Variants in KLRD1 observed in about 807,000 individuals in gnomAD.
KLRD1 encodes the protein natural killer cells antigen CD94.
In KLRD1, 21 loss-of-function variants were observed where a neutral mutation model predicts 22.6. The ratio of observed to expected loss-of-function variants is 0.93; its 90% CI spans 0.66 to 1.34. KLRD1 has a LOEUF of 1.34. Among genes scored for constraint, KLRD1 ranks in the 40% most tolerant of loss-of-function variants. The pLI is 0.00. For missense variants in KLRD1, 183 were observed against 208.6 expected (o/e 0.88, Z 0.76); for synonymous variants, 59 against 71.1 (o/e 0.83, Z 0.85).
At chr12:10,312,693 C>A (rs1205889414) in intron 4 of KLRD1, among the ~76,000 whole-genome samples, 1 of 150,044 alleles carries the variant, frequency 6.7e-6, no homozygotes, top group Non-Finnish European at 1.5e-5. Context: ...TTACCCAGTT[C>A]TTAAGAAAAA....
intron 1 of KLRD1, among the ~76,000 whole-genome samples, chr12:10,275,657 A>G (rs1207965024): frequency 6.6e-6 from 1 of 152,198 alleles, no homozygotes; most frequent in Non-Finnish European, 1.5e-5. Flanking sequence ...TCACAGTTAC[A>G]ATGGAATGTT....
chr12:10,271,621 A>G (rs1348862581), intron 1 of KLRD1, among the ~76,000 whole-genome samples: 1 of 152,214 alleles, frequency 6.6e-6, no homozygotes, highest in Non-Finnish European at 1.5e-5. Context: ...TTGAAGAACA[A>G]TGAACTTTGA....
chr12:10,314,182 A>T (rs1416248531), intron 5 of KLRD1, among the ~76,000 whole-genome samples: 1 of 123,676 alleles, frequency 8.1e-6, no homozygotes, highest in East Asian at 2.9e-4. Context: ...CCAAAAAAAT[A>T]GTATATTTAT....
At chr12:10,308,105 T>C (rs769421948) in intron 1 of KLRD1, 21 bp downstream of exon 1, 19 of 1,608,224 alleles carry the variant, frequency 1.2e-5, no homozygotes, top group Non-Finnish European at 1.4e-5. Context: ...TTTCAGTCAC[T>C]AAATTAAAAA....
At chr12:10,254,945 G>C (rs986564092) in intron 1 of KLRD1, among the ~76,000 whole-genome samples, 2 of 148,564 alleles carry the variant, frequency 1.3e-5, no homozygotes, top group Admixed American at 6.7e-5. Context: ...ACATGAACAG[G>C]CACTTCTCAA....
chr12:10,293,789 G>T (rs945194814), intron 1 of KLRD1, among the ~76,000 whole-genome samples: 2 of 152,194 alleles, frequency 1.3e-5, no homozygotes, highest in Non-Finnish European at 2.9e-5. Flanking sequence ...ACAATAAAGT[G>T]AAGTGCAGTA....
At position 10,314,753 on chromosome 12, in the gene KLRD1, A is replaced by T; in HGVS notation, c.500A>T (p.Glu167Val). 1.2e-6 allele frequency: 2 copies of T among 1,606,130 alleles called. No homozygotes were observed. Among genetic ancestry groups the T allele is most frequent in the Non-Finnish European group, 1.7e-6 (2 of 1,176,880 alleles). Residue 167 changes from glutamate (E) to valine (V), a missense_variant, in exon 6 of 6, where the codon GAA becomes GTA. Coordinates refer to ENST00000336164, the MANE Select transcript of KLRD1 (RefSeq NM_002262.5). ...GGAAATGCTTTAGATGAATCCTGTGAAGATAAAAATCGTTATATCTGTAAG... is the reference window on the plus strand; with the variant it reads ...GGAAATGCTTTAGATGAATCCTGTGTAGATAAAAATCGTTATATCTGTAAG... ...PNGNALDESC[E>V]DKNRYICKQQ...
At chr12:10,248,231 C>G (rs12306186) in intron 1 of KLRD1, among the ~76,000 whole-genome samples, 2,239 of 152,000 alleles carry the variant, frequency 0.015, 74 homozygotes, top group African/African-American at 0.051. Flanking sequence ...TTTTCTAATC[C>G]TGTTTTAAAA....
intron 1 of KLRD1, among the ~76,000 whole-genome samples, chr12:10,246,546 A>G (rs182216562): frequency 3.3e-5 from 5 of 152,258 alleles, no homozygotes; most frequent in African/African-American, 9.6e-5. Flanking sequence ...TCTTCCACAT[A>G]TCTACAAAAT....
At chr12:10,249,447 T>TTC (rs1196184104) in intron 1 of KLRD1, among the ~76,000 whole-genome samples, 5 of 152,206 alleles carry the variant, frequency 3.3e-5, no homozygotes, top group African/African-American at 1.2e-4. Flanking sequence ...CCCCTTCATT[T>TTC]TACAGATGTG....
Position 10,311,549 on chromosome 12 carries a change from C to G in KLRD1, c.249C>G (p.Asn83Lys), listed in dbSNP as rs544910222. Residue 83 changes from asparagine (N) to lysine (K), a missense_variant, in exon 4 of 6, where the codon AAC becomes AAG. Physicochemically the swap from Asn to Lys is moderately conservative, Grantham distance 94. Coordinates refer to ENST00000336164, the MANE Select transcript of KLRD1 (RefSeq NM_002262.5). ...YFISSEQKTW[N>K]ESRHLCASQK... is the part of the protein sequence containing the mutation. ...TTTCCAGTGAACAGAAAACTTGGAACGAAAGTCGGCATCTCTGTGCTTCTC... is the reference window on the plus strand; with the variant it reads ...TTTCCAGTGAACAGAAAACTTGGAAGGAAAGTCGGCATCTCTGTGCTTCTC... 4 of 1,614,046 alleles carry G rather than the reference C, an allele frequency of 2.5e-6. No individual in the cohort carries two copies. The South Asian group carries it at 3.3e-5, about 13-fold the overall frequency.
chr12:10,253,299 C>CA (rs1949362093), intron 1 of KLRD1, among the ~76,000 whole-genome samples: 1 of 152,152 alleles, frequency 6.6e-6, no homozygotes, highest in Admixed American at 6.5e-5. Context: ...AGCTGTCCCG[C>CA]AGGTCACTGA....
intron 1 of KLRD1, among the ~76,000 whole-genome samples, chr12:10,269,019 G>A (rs1949525617): frequency 1.3e-5 from 2 of 151,970 alleles, no homozygotes; most frequent in South Asian, 4.1e-4. Context: ...TTTCCTGTAT[G>A]TAGAAATAAT....
intron 5 of KLRD1, among the ~76,000 whole-genome samples, chr12:10,313,779 C>A (rs902415985): frequency 2.0e-5 from 3 of 152,096 alleles, no homozygotes; most frequent in Middle Eastern, 3.4e-3. Flanking sequence ...ATACTGATAA[C>A]CATTACATGC....
Position 10,319,294 on chromosome 12 carries a change from T to C in KLRD1, c.*4501T>C, listed in dbSNP as rs898475678. Reference sequence around the variant, plus strand: ...TACCAGTTGTAAATGTACTTACAAATTTTGCTATATGAAAACAGTTATGTC... The same window carrying C: ...TACCAGTTGTAAATGTACTTACAAACTTTGCTATATGAAAACAGTTATGTC... On this transcript the variant is annotated 3_prime_UTR_variant, in exon 6 of 6. Transcript: ENST00000336164. 6.6e-6 allele frequency: 1 copy of C among 152,236 alleles called. No homozygotes were observed. Among genetic ancestry groups the C allele is most frequent in the Admixed American group, 6.5e-5 (1 of 15,286 alleles). 9.4% of individuals were successfully genotyped at this position (152,236 alleles called of 1,614,324 possible).
rs143041164 is a variant in KLRD1 at position 10,253,857 on chromosome 12, C to T, written c.-101+27624C>T. Among the ~76,000 whole-genome samples, 576 of 152,108 alleles carry T rather than the reference C, an allele frequency of 3.8e-3. 6 individuals are homozygous for T. Among genetic ancestry groups the T allele is most frequent in the African/African-American group, 0.013 (522 of 41,462 alleles). ...GGTTGAATTCAAGTCTTTGCTATTG[C>T]GACAAGTGCTGCAGTTATCATTCAC... On this transcript the variant is annotated intron_variant, in intron 1 of 5. Coordinates refer to the KLRD1 transcript ENST00000544747.
intron 1 of KLRD1, among the ~76,000 whole-genome samples, chr12:10,246,335 A>C (rs914304864): frequency 6.6e-6 from 1 of 151,732 alleles, no homozygotes; most frequent in Non-Finnish European, 1.5e-5. Context: ...TATTAAAATT[A>C]TGAATATATA....
chr12:10,287,405 C>A lies in KLRD1; in HGVS notation c.-100-20573C>A, dbSNP rs528657535. Among the ~76,000 whole-genome samples the A allele has an allele frequency of 2.5e-3, 387 of 152,076 alleles. 1 individual carries two copies. Among genetic ancestry groups the A allele is most frequent in the African/African-American group, 8.9e-3 (368 of 41,476 alleles). On this transcript the variant is annotated intron_variant, in intron 1 of 5. Coordinates refer to the KLRD1 transcript ENST00000544747. ...TTTTATTTAACACTCAGACCTCTCA[C>A]AGATAGGTTGCAAAAAAATGTTATA...
intron 3 of KLRD1, among the ~76,000 whole-genome samples, chr12:10,310,232 G>A (rs1359624315): frequency 1.3e-5 from 2 of 152,080 alleles, no homozygotes; most frequent in African/African-American, 2.4e-5. Context: ...CCACCTTCCT[G>A]CCTCAGCCTC....
Sources: gnomAD v4.1 joint callset for allele counts (sites outside exome capture counted in the v4.1 genomes callset) on GRCh38, gnomAD v4.1.1 for gene constraint, MANE v1.5 for transcripts, NCBI Gene and HGNC (gene_info 2026-07-23, HGNC 2026-07-21) for gene names.